TRAPPC3L: variants seen among roughly 807,000 people sequenced by gnomAD.
The protein encoded by TRAPPC3L is trafficking protein particle complex subunit 3L.
A neutral mutation model predicts 23.7 loss-of-function variants in TRAPPC3L; 23 were observed. That is an observed-to-expected ratio of 0.97 (90% CI 0.70 to 1.37). The LOEUF is 1.37. TRAPPC3L is among the 40% of genes most tolerant of loss of function. The pLI, the probability that TRAPPC3L is intolerant of heterozygous loss-of-function variation, is 0.00. For synonymous variants in TRAPPC3L, 81 were observed against 77.9 expected (o/e 1.04, Z -0.21); for missense variants, 212 against 216.8 (o/e 0.98, Z 0.14).
At chr6:116,510,966 C>T (rs1482521431) in intron 3 of TRAPPC3L, among the ~76,000 whole-genome samples, 1 of 151,204 alleles carries the variant, frequency 6.6e-6, no homozygotes, top group Non-Finnish European at 1.5e-5. Context: ...GCTATGGGTA[C>T]GTAAAGGCAT....
intron 3 of TRAPPC3L, among the ~76,000 whole-genome samples, chr6:116,515,377 G>A (rs540995215): frequency 6.6e-6 from 1 of 152,300 alleles, no homozygotes; most frequent in Non-Finnish European, 1.5e-5. Context: ...CACCAGCAAT[G>A]TTGGGGAGGA....
intron 3 of TRAPPC3L, among the ~76,000 whole-genome samples, chr6:116,503,751 GA>G (rs1771958251): frequency 6.6e-6 from 1 of 152,134 alleles, no homozygotes; most frequent in Admixed American, 6.5e-5. Flanking sequence ...CATGGAAGCT[GA>G]AAAATCTGCT....
At chr6:116,541,688 T>C (rs896789765) in intron 2 of TRAPPC3L, among the ~76,000 whole-genome samples, 1 of 152,220 alleles carries the variant, frequency 6.6e-6, no homozygotes, top group Admixed American at 6.5e-5. Flanking sequence ...ACAATCAAAA[T>C]GTCTACTTTA....
chr6:116,511,201 T>TATATATATAA (rs1177505491), intron 3 of TRAPPC3L, among the ~76,000 whole-genome samples: 1 of 147,636 alleles, frequency 6.8e-6, no homozygotes, highest in Non-Finnish European at 1.5e-5. Context: ...TATATATATA[T>TATATATATAA]AATTTTCATA....
At chr6:116,505,467 C>A (rs915953199) in intron 3 of TRAPPC3L, among the ~76,000 whole-genome samples, 3 of 152,166 alleles carry the variant, frequency 2.0e-5, no homozygotes, top group Admixed American at 2.0e-4. Context: ...AGATTCAACG[C>A]CATCCCCATC....
intron 3 of TRAPPC3L, among the ~76,000 whole-genome samples, chr6:116,531,188 C>T (rs1195460821): frequency 6.6e-6 from 1 of 151,924 alleles, no homozygotes; most frequent in Non-Finnish European, 1.5e-5. Flanking sequence ...TGAAACTCTA[C>T]TTAACACAGG....
intron 3 of TRAPPC3L, chr6:116,512,208 T>A: frequency 1.2e-6 from 2 of 1,604,284 alleles, no homozygotes; most frequent in Non-Finnish European, 1.7e-6. Flanking sequence ...AATGAAGAAC[T>A]GAAACTCTCC....
In TRAPPC3L at chr6:116,500,677, A is replaced by G; in HGVS notation, c.241-11T>C. On this transcript the variant is annotated splice_polypyrimidine_tract_variant and intron_variant, in intron 3 of 4. Transcript: ENST00000368602. Reference sequence around the variant, plus strand: ...CATCTTGAAAGCAACCTGATAAGAAAAAAACAAAATTACTAAAACTTGGTC... The same window carrying G: ...CATCTTGAAAGCAACCTGATAAGAAGAAAACAAAATTACTAAAACTTGGTC... 6.5e-7 allele frequency: 1 copy of G among 1,550,352 alleles called. No homozygotes were observed. Among genetic ancestry groups the G allele is most frequent in the Non-Finnish European group, 8.7e-7 (1 of 1,146,616 alleles).
chr6:116,506,471 C>A (rs1562337358), intron 3 of TRAPPC3L, among the ~76,000 whole-genome samples: 1 of 152,114 alleles, frequency 6.6e-6, no homozygotes, highest in Non-Finnish European at 1.5e-5. Context: ...CCTCAATGAT[C>A]TAGAACTAGA....
chr6:116,543,108 A>G (rs572944249), intron 2 of TRAPPC3L, among the ~76,000 whole-genome samples, 195 bp downstream of exon 2: 137 of 152,302 alleles, frequency 9.0e-4, no homozygotes, highest in African/African-American at 3.2e-3. Flanking sequence ...TTTGTAGGAA[A>G]AAAATCCTTC....
intron 1 of TRAPPC3L, 89 bp from the exon 2 acceptor site, chr6:116,543,489 A>G (rs1326516687): frequency 3.7e-6 from 4 of 1,075,008 alleles, no homozygotes; most frequent in Non-Finnish European, 5.3e-6. Context: ...GGTTTGAAGT[A>G]GCCTTAGAAG....
At chr6:116,497,355 T>C (rs1472224296) in intron 4 of TRAPPC3L, among the ~76,000 whole-genome samples, 3 of 152,196 alleles carry the variant, frequency 2.0e-5, no homozygotes, top group Admixed American at 6.5e-5. Flanking sequence ...GGCTGAACTC[T>C]GGATCCATCT....
intron 3 of TRAPPC3L, among the ~76,000 whole-genome samples, chr6:116,511,325 A>C (rs1229045106): frequency 6.6e-6 from 1 of 151,852 alleles, no homozygotes; most frequent in Non-Finnish European, 1.5e-5. Context: ...TGTCGGCTGA[A>C]ACCTCTTTCT....
intron 3 of TRAPPC3L, among the ~76,000 whole-genome samples, chr6:116,527,530 A>C (rs1470524422): frequency 6.6e-5 from 10 of 151,842 alleles, no homozygotes; most frequent in African/African-American, 2.2e-4. Flanking sequence ...AAAAAAAAAA[A>C]AAAAAAAAAG....
At chr6:116,544,839 A>G (rs1043933740) in intron 1 of TRAPPC3L, among the ~76,000 whole-genome samples, 3 of 152,148 alleles carry the variant, frequency 2.0e-5, no homozygotes, top group African/African-American at 7.2e-5. Context: ...GTCTCCTGAC[A>G]TAATTAACAG....
intron 3 of TRAPPC3L, chr6:116,511,874 T>A (rs1772127545): frequency 1.2e-6 from 2 of 1,613,988 alleles, no homozygotes; most frequent in Non-Finnish European, 1.7e-6. Context: ...TGCTCCTGCC[T>A]GGGTGTTACT....
chr6:116,501,163 G>C (rs996294381), intron 3 of TRAPPC3L, among the ~76,000 whole-genome samples: 8 of 152,182 alleles, frequency 5.3e-5, no homozygotes, highest in Admixed American at 4.6e-4. Flanking sequence ...CACAGTCTTC[G>C]CATCTGCAGG....
intron 3 of TRAPPC3L, among the ~76,000 whole-genome samples, chr6:116,531,837 T>C (rs1772743825): frequency 6.6e-6 from 1 of 150,524 alleles, no homozygotes; most frequent in South Asian, 2.1e-4. Flanking sequence ...GAAAAAACAA[T>C]AATAAATATA....
At chr6:116,509,321 T>C (rs1772065372) in intron 3 of TRAPPC3L, among the ~76,000 whole-genome samples, 1 of 151,968 alleles carries the variant, frequency 6.6e-6, no homozygotes, top group African/African-American at 2.4e-5. Flanking sequence ...CAACATAATT[T>C]TTCACAGAAT....
Sources: gnomAD v4.1 joint callset for allele counts (sites outside exome capture counted in the v4.1 genomes callset) on GRCh38, gnomAD v4.1.1 for gene constraint, MANE v1.5 for transcripts, NCBI Gene and HGNC (gene_info 2026-07-23, HGNC 2026-07-21) for gene names.